Variants in ZNF730 observed in about 807,000 individuals in gnomAD.
ZNF730 encodes putative zinc finger protein 730.
ZNF730 carries 12 observed loss-of-function variants against 12.6 expected under a neutral mutation model. That is an observed-to-expected ratio of 0.95 (90% CI 0.61 to 1.54). The LOEUF (loss-of-function observed/expected upper bound fraction) is 1.54. ZNF730 is among the 40% of genes most tolerant of loss of function. ZNF730 has a pLI of 0.00. For missense variants in ZNF730, 643 were observed against 583.5 expected (o/e 1.10, Z -1.05); for synonymous variants, 194 against 195.8 (o/e 0.99, Z 0.08).
intron 1 of ZNF730, 62 bp downstream of exon 1, chr19:23,117,238 C>G (rs950294769): frequency 7.4e-6 from 12 of 1,612,056 alleles, no homozygotes; most frequent in Non-Finnish European, 1.0e-5. Flanking sequence ...CGGTGGGAAG[C>G]GGCTGTGGCG....
At chr19:23,092,647 T>C (rs183427239) in intron 1 of ZNF730, among the ~76,000 whole-genome samples, 112 of 152,108 alleles carry the variant, frequency 7.4e-4, no homozygotes, top group Middle Eastern at 3.4e-3. Flanking sequence ...GGTCTCAAAC[T>C]CCTGACTTCA....
At chr19:23,138,827 T>C (rs1206774863) in intron 3 of ZNF730, among the ~76,000 whole-genome samples, 1 of 152,218 alleles carries the variant, frequency 6.6e-6, no homozygotes, top group Non-Finnish European at 1.5e-5. Flanking sequence ...TAATGTACCA[T>C]GTAGCTGTCA....
intron 1 of ZNF730, among the ~76,000 whole-genome samples, chr19:23,118,917 CT>C (rs1475488243): frequency 6.6e-6 from 1 of 152,152 alleles, no homozygotes; most frequent in African/African-American, 2.4e-5. Context: ...GTGAATATCT[CT>C]GTTCTCTATC....
chr19:23,091,544 G>C (rs1324347981), intron 1 of ZNF730, among the ~76,000 whole-genome samples: 1 of 152,210 alleles, frequency 6.6e-6, no homozygotes, highest in Non-Finnish European at 1.5e-5. Context: ...AAAGCCACAG[G>C]GGTGGAGCTG....
At chr19:23,081,888 G>A (rs1280179028) in intron 1 of ZNF730, among the ~76,000 whole-genome samples, 4 of 152,080 alleles carry the variant, frequency 2.6e-5, no homozygotes, top group South Asian at 2.1e-4. Context: ...TAGTAGCTGG[G>A]GCTACAAAAA....
At chr19:23,081,230 T>C (rs1969961070) in intron 1 of ZNF730, among the ~76,000 whole-genome samples, 1 of 151,244 alleles carries the variant, frequency 6.6e-6, no homozygotes, top group Admixed American at 6.6e-5. Flanking sequence ...CTGCAAACTC[T>C]GCCTCCTGGG....
At chr19:23,111,453 A>G (rs1970459853) in intron 1 of ZNF730, among the ~76,000 whole-genome samples, 1 of 152,148 alleles carries the variant, frequency 6.6e-6, no homozygotes, top group Admixed American at 6.6e-5. Flanking sequence ...AAAACTGTTA[A>G]ACAAGATATT....
In ZNF730 at chr19:23,133,762, A is replaced by G. The variant is rs867548456; in HGVS notation, c.4-318A>G. ...TAACTCAATGTGACTTTTCCATCTG[A>G]AAAGTTTACACAACTCTTTCTGTAT... is the stretch of plus-strand genomic sequence containing the variant. On this transcript the variant is annotated intron_variant, in intron 1 of 3. Transcript: ENST00000597761. Among the ~76,000 whole-genome samples, 5 of 152,366 alleles carry G rather than the reference A, an allele frequency of 3.3e-5. No homozygotes were observed. In the South Asian group the frequency reaches 1.0e-3, roughly 32 times the overall value.
intron 1 of ZNF730, among the ~76,000 whole-genome samples, chr19:23,120,407 T>C (rs1011322539): frequency 2.0e-5 from 3 of 152,160 alleles, no homozygotes; most frequent in African/African-American, 7.2e-5. Flanking sequence ...TATGGGAAGA[T>C]GGATTTTTCC....
chr19:23,133,442 A>G (rs1970772453), intron 1 of ZNF730, among the ~76,000 whole-genome samples: 1 of 152,194 alleles, frequency 6.6e-6, no homozygotes, highest in Non-Finnish European at 1.5e-5. Flanking sequence ...CCCAGGTTCA[A>G]GCAATTCGCC....
chr19:23,120,612 A>G (rs1970586950), intron 1 of ZNF730, among the ~76,000 whole-genome samples: 1 of 151,644 alleles, frequency 6.6e-6, no homozygotes, highest in Non-Finnish European at 1.5e-5. Flanking sequence ...TTGTTATAAG[A>G]TAATAAGATA....
intron 3 of ZNF730, chr19:23,136,249 A>C (rs1970831352): frequency 1.5e-5 from 5 of 323,956 alleles, no homozygotes; most frequent in Middle Eastern, 1.1e-3. Context: ...ATCTCTAAAA[A>C]TTCTTTCCCT....
intron 1 of ZNF730, among the ~76,000 whole-genome samples, chr19:23,119,902 A>G (rs1970578372): frequency 6.6e-6 from 1 of 152,140 alleles, no homozygotes; most frequent in Non-Finnish European, 1.5e-5. Context: ...AATTTTTTAA[A>G]ATAGTTTTGT....
At chr19:23,107,475 A>AAC (rs752480467) in intron 1 of ZNF730, among the ~76,000 whole-genome samples, 20 of 118,934 alleles carry the variant, frequency 1.7e-4, no homozygotes, top group Admixed American at 5.6e-4. Flanking sequence ...AAAAAAAAAA[A>AAC]CCACCACAGC....
At chr19:23,092,874 A>G (rs890685844) in intron 1 of ZNF730, among the ~76,000 whole-genome samples, 15 of 152,278 alleles carry the variant, frequency 9.9e-5, no homozygotes, top group African/African-American at 3.6e-4. Context: ...TTCATCAAAG[A>G]TACTTACCTG....
chr19:23,096,755 C>T (rs1970258279), intron 1 of ZNF730, among the ~76,000 whole-genome samples: 1 of 152,184 alleles, frequency 6.6e-6, no homozygotes, highest in Admixed American at 6.5e-5. Flanking sequence ...TGTGACTCTG[C>T]TCTATGGATT....
chr19:23,087,626 T>C (rs1327110219), intron 1 of ZNF730, among the ~76,000 whole-genome samples: 4 of 151,464 alleles, frequency 2.6e-5, no homozygotes, highest in Non-Finnish European at 4.4e-5. Context: ...TGCTTTTTTT[T>C]TTTTTTTGAG....
Position 23,146,466 on chromosome 19 carries a change from T to C in ZNF730, c.1422T>C (p.His474=). 1 of 1,609,150 alleles carries C rather than the reference T, an allele frequency of 6.2e-7. No homozygotes were observed. Among genetic ancestry groups the C allele is most frequent in the East Asian group, 2.2e-5 (1 of 44,836 alleles). The change falls in exon 4 of 4, where the codon CAT becomes CAC. Residue 474 remains histidine (H), a synonymous_variant. Coordinates refer to ENST00000597761, the MANE Select transcript of ZNF730 (RefSeq NM_001277403.2). ...CCCTCACTACACATAAGATAATTCA[T>C]TCTGGGGAAAAAATCTACAAATGTA... is the stretch of plus-strand genomic sequence containing the variant. ...SSTLTTHKII[H]SGEKIYKCKE...
Position 23,146,016 on chromosome 19 carries a change from C to T in ZNF730, c.972C>T (p.Ser324=). 2 of 1,608,144 alleles carry T rather than the reference C, an allele frequency of 1.2e-6. No individual in the cohort carries two copies. The highest frequency in any genetic ancestry group is 3.3e-4 in the Middle Eastern group (2 of 6,016). ...CEKCGKAFKW[S]STLTKHKRIH... is the part of the protein sequence containing the mutation. ...AATGTGGCAAAGCTTTTAAGTGGTC[C>T]TCAACCCTTACAAAACATAAAAGAA... Residue 324 remains serine (S), a synonymous_variant, in exon 4 of 4, where the codon TCC becomes TCT. Coordinates refer to ENST00000597761, the MANE Select transcript of ZNF730 (RefSeq NM_001277403.2).
Sources: gnomAD v4.1 joint callset for allele counts (sites outside exome capture counted in the v4.1 genomes callset) on GRCh38, gnomAD v4.1.1 for gene constraint, MANE v1.5 for transcripts, NCBI Gene and HGNC (gene_info 2026-07-23, HGNC 2026-07-21) for gene names.